The following PLAAT1 variants were observed in gnomAD, a reference collection of about 807,000 sequenced individuals.
PLAAT1 encodes phospholipase A and acyltransferase 1.
PLAAT1 carries 13 observed loss-of-function variants against 16.4 expected under a neutral mutation model. The ratio of observed to expected loss-of-function variants is 0.79; its 90% CI spans 0.52 to 1.26. PLAAT1 has a LOEUF of 1.26. PLAAT1 is among the 50% of genes most tolerant of loss of function. The pLI, the probability that PLAAT1 is intolerant of heterozygous loss-of-function variation, is 0.00. For synonymous variants in PLAAT1, 73 were observed against 78.4 expected (o/e 0.93, Z 0.36); for missense variants, 218 against 207.8 (o/e 1.05, Z -0.30).
intron 3 of PLAAT1, among the ~76,000 whole-genome samples, chr3:193,265,991 G>A (rs1361701383): frequency 1.3e-5 from 2 of 152,154 alleles, no homozygotes; most frequent in Non-Finnish European, 2.9e-5. Context: ...TAGTCAAAGG[G>A]TAGAAAATTT....
chr3:193,265,014 G>A (rs767809954), intron 3 of PLAAT1, among the ~76,000 whole-genome samples: 1 of 152,178 alleles, frequency 6.6e-6, no homozygotes, highest in Non-Finnish European at 1.5e-5. Context: ...GTAAGTGTTG[G>A]CAAGGAAGTG....
chr3:193,257,214 A>G (rs75583660), intron 2 of PLAAT1, among the ~76,000 whole-genome samples: 73 of 152,306 alleles, frequency 4.8e-4, no homozygotes, highest in South Asian at 1.2e-3. Context: ...ACAGACTCCA[A>G]TCACTCCAGT....
chr3:193,279,503 A>G, downstream of PLAAT1: 1 of 1,503,738 alleles, frequency 6.7e-7, no homozygotes, highest in Non-Finnish European at 9.2e-7. Flanking sequence ...AATGTTTCAT[A>G]TAATTTGGCA....
At chr3:193,275,361 C>T (rs775769614), downstream of PLAAT1, 31 of 1,577,190 alleles carry the variant, frequency 2.0e-5, no homozygotes, top group Middle Eastern at 1.7e-4. Flanking sequence ...GCAGCCAGGC[C>T]GCTGGCCACC....
intron 1 of PLAAT1, among the ~76,000 whole-genome samples, chr3:193,244,749 A>G (rs890953855): frequency 1.3e-5 from 2 of 152,170 alleles, no homozygotes; most frequent in African/African-American, 4.8e-5. Flanking sequence ...AGAGTATCAC[A>G]TGGTAAGGGG....
At chr3:193,270,138 A>G (rs1290011647) in intron 3 of PLAAT1, among the ~76,000 whole-genome samples, 1 of 151,694 alleles carries the variant, frequency 6.6e-6, no homozygotes, top group Non-Finnish European at 1.5e-5. Flanking sequence ...TGTAGACCCA[A>G]CCAATCCAAA....
intron 1 of PLAAT1, among the ~76,000 whole-genome samples, chr3:193,248,935 G>A (rs1716083981): frequency 6.6e-6 from 1 of 152,060 alleles, no homozygotes; most frequent in Non-Finnish European, 1.5e-5. Context: ...GCTACTTAGT[G>A]ATATTTTCCT....
At chr3:193,270,570 A>G in intron 3 of PLAAT1, 34 bp from the exon 4 acceptor site, 10 of 1,597,806 alleles carry the variant, frequency 6.3e-6, no homozygotes, top group Non-Finnish European at 8.5e-6. Context: ...TTAGAATATG[A>G]TGTGTTTTTT....
intron 2 of PLAAT1, among the ~76,000 whole-genome samples, chr3:193,256,334 G>A (rs1716371948): frequency 2.0e-5 from 3 of 152,156 alleles, no homozygotes. Flanking sequence ...TGCAGATGCT[G>A]TGATTTTAAA....
intron 2 of PLAAT1, among the ~76,000 whole-genome samples, chr3:193,276,119 T>C (rs991374754): frequency 1.3e-5 from 2 of 152,192 alleles, no homozygotes; most frequent in African/African-American, 2.4e-5. Context: ...CCTTTAAACA[T>C]ATATAATGAG....
chr3:193,256,458 G>A (rs912215921), intron 2 of PLAAT1, among the ~76,000 whole-genome samples: 2 of 152,156 alleles, frequency 1.3e-5, no homozygotes, highest in Non-Finnish European at 2.9e-5. Context: ...CAAGGGGACA[G>A]CAGACACTAA....
At chr3:193,258,672 T>TA (rs1560102386) in intron 2 of PLAAT1, among the ~76,000 whole-genome samples, 1 of 152,020 alleles carries the variant, frequency 6.6e-6, no homozygotes, top group Non-Finnish European at 1.5e-5. Context: ...TTTTGAAACA[T>TA]ACAACCTTTC....
chr3:193,259,841 A>G (rs1174686676), intron 2 of PLAAT1, among the ~76,000 whole-genome samples: 1 of 152,206 alleles, frequency 6.6e-6, no homozygotes, highest in African/African-American at 2.4e-5. Flanking sequence ...CAAGCTACCA[A>G]TGCCATTCTT....
chr3:193,281,380 T>A, downstream of PLAAT1: 1 of 162,280 alleles, frequency 6.2e-6, no homozygotes, highest in Non-Finnish European at 1.3e-5. Context: ...GGTCATCTTT[T>A]AAAATTCAGC....
rs558369946 is a variant in PLAAT1, at chr3:193,253,674, A to G, written c.1-1977A>G. On this transcript the variant is annotated intron_variant, in intron 1 of 3. Coordinates refer to ENST00000264735, the MANE Select transcript of PLAAT1 (RefSeq NM_020386.5). ...ACCTGCCCAAAGTTAGAGAACTAACAAGTATCAAGTAGAAGACTAAGAGAA... is the reference window on the plus strand; with the variant it reads ...ACCTGCCCAAAGTTAGAGAACTAACGAGTATCAAGTAGAAGACTAAGAGAA... Among the ~76,000 whole-genome samples the G allele has an allele frequency of 1.4e-4, 21 of 152,268 alleles. 1 individual carries two copies. In the East Asian group the frequency reaches 4.1e-3, roughly 29 times the overall value.
Position 193,262,961 on chromosome 3 carries a change from A to G in PLAAT1, c.140-9A>G, listed in dbSNP as rs557250957. 6.2e-6 allele frequency: 10 copies of G among 1,613,960 alleles called. No homozygotes were observed. In the Admixed American group the frequency reaches 8.3e-5, roughly 13 times the overall value. Reference sequence around the variant, plus strand: ...ACTATACCTTACTAACCAGAATTCTACTTTATAGATGGCATTCCTGCGTCC... The same window carrying G: ...ACTATACCTTACTAACCAGAATTCTGCTTTATAGATGGCATTCCTGCGTCC... On this transcript the variant is annotated splice_polypyrimidine_tract_variant and intron_variant, in intron 2 of 3. Transcript: ENST00000264735.
chr3:193,253,038 A>G (rs992398681), intron 1 of PLAAT1, among the ~76,000 whole-genome samples: 9 of 152,022 alleles, frequency 5.9e-5, no homozygotes, highest in African/African-American at 1.4e-4. Context: ...TAGGTTTTAT[A>G]TTTTTATGGT....
intron 3 of PLAAT1, among the ~76,000 whole-genome samples, chr3:193,268,625 A>T (rs1716861287): frequency 6.6e-6 from 1 of 152,206 alleles, no homozygotes; most frequent in Non-Finnish European, 1.5e-5. Context: ...GGGTTGTCCC[A>T]ATTACATGAG....
chr3:193,244,002 C>A (rs539906241), intron 1 of PLAAT1, among the ~76,000 whole-genome samples: 5 of 152,250 alleles, frequency 3.3e-5, no homozygotes, highest in Admixed American at 1.3e-4. Flanking sequence ...TTTATTTTTT[C>A]CACTAAGTAT....
Sources: gnomAD v4.1 joint callset for allele counts (sites outside exome capture counted in the v4.1 genomes callset) on GRCh38, gnomAD v4.1.1 for gene constraint, MANE v1.5 for transcripts, NCBI Gene and HGNC (gene_info 2026-07-23, HGNC 2026-07-21) for gene names.